GLIPR2: variants seen among roughly 807,000 people sequenced by gnomAD.
GLIPR2 encodes the protein Golgi-associated plant pathogenesis-related protein 1.
GLIPR2 carries 21 observed loss-of-function variants against 20.4 expected under a neutral mutation model. That is an observed-to-expected ratio of 1.03 (90% CI 0.73 to 1.48). The LOEUF (loss-of-function observed/expected upper bound fraction) is 1.48. Among genes scored for constraint, GLIPR2 ranks in the 40% most tolerant of loss-of-function variants. GLIPR2 has a pLI of 0.00. For missense variants in GLIPR2, 205 were observed against 200.1 expected, an observed-to-expected ratio of 1.02 and a Z score of -0.15; for synonymous variants, 91 against 80.5, an observed-to-expected ratio of 1.13 and a Z score of -0.70.
chr9:36,162,518 A>T lies in GLIPR2; in HGVS notation c.461A>T (p.Lys154Met). 6.2e-7 allele frequency: 1 copy of T among 1,614,200 alleles called. No homozygotes were observed. The highest frequency in any genetic ancestry group is 1.1e-5 in the South Asian group (1 of 91,084). ...FFEENVLPPK[K>M] ...GAAGAAAACGTCCTGCCGCCGAAGA[A>T]GTAACTTGTTAAATGTAATGGGAAG... The change falls in exon 5 of 5, where the codon AAG (lysine) becomes ATG (methionine). Residue 154 changes from lysine (K) to methionine (M), a missense_variant. Lys to Met is a moderately conservative substitution (Grantham distance 95). Coordinates refer to ENST00000377960, the MANE Select transcript of GLIPR2 (RefSeq NM_022343.4).
chr9:36,153,628 C>T (rs1825699297), intron 4 of GLIPR2, among the ~76,000 whole-genome samples: 1 of 152,056 alleles, frequency 6.6e-6, no homozygotes. Context: ...TGGCCAGGTG[C>T]GGTGGCTCAC....
rs146781926 is a variant in GLIPR2, at chr9:36,138,674, C to T, written c.13+1883C>T. Among the ~76,000 whole-genome samples, 225 of 152,246 alleles carry T rather than the reference C, an allele frequency of 1.5e-3. 1 individual carries two copies. Among genetic ancestry groups the T allele is most frequent in the African/African-American group, 5.2e-3 (218 of 41,532 alleles). On this transcript the variant is annotated intron_variant, in intron 1 of 4. Transcript: ENST00000377960. ...TCTGTATCAAGCTGTGGACCCAGTG[C>T]CGGGGCGTGCATCCACTTGGATTGT...
chr9:36,144,053 T>C (rs531999243), intron 1 of GLIPR2, among the ~76,000 whole-genome samples: 1 of 152,220 alleles, frequency 6.6e-6, no homozygotes, highest in East Asian at 1.9e-4. Flanking sequence ...CCACTGCCTC[T>C]TGCACAAAAC....
chr9:36,148,547 G>A lies in GLIPR2; in HGVS notation c.123G>A (p.Gln41=), dbSNP rs1418710339. The A allele has an allele frequency of 1.2e-6, 2 of 1,612,414 alleles. No homozygotes were observed. Among genetic ancestry groups the A allele is most frequent in the Admixed American group, 1.7e-5 (1 of 60,018 alleles). The part of the protein sequence containing the change: ...LCKNLNREAQ[Q]YSEALASTRI... ...TGAGGAGGCGCTGTGAACTCTGCAGGTATTCTGAGGCCCTGGCCAGCACGA... is the reference window on the plus strand; with the variant it reads ...TGAGGAGGCGCTGTGAACTCTGCAGATATTCTGAGGCCCTGGCCAGCACGA... Residue 41 remains glutamine, a splice_region_variant and synonymous_variant, in exon 3 of 5, where the codon CAG becomes CAA. Transcript: ENST00000377960.
intron 4 of GLIPR2, among the ~76,000 whole-genome samples, chr9:36,159,993 T>C (rs1825989497): frequency 6.6e-6 from 1 of 152,110 alleles, no homozygotes; most frequent in South Asian, 2.1e-4. Flanking sequence ...AAAGGGTGTT[T>C]GCAAACGACT....
chr9:36,156,777 C>T (rs1825853531), intron 4 of GLIPR2, among the ~76,000 whole-genome samples: 1 of 152,176 alleles, frequency 6.6e-6, no homozygotes, highest in Non-Finnish European at 1.5e-5. Flanking sequence ...AGGTTGCATG[C>T]TCCTTATGAA....
chr9:36,161,385 T>G (rs891672618), intron 4 of GLIPR2, among the ~76,000 whole-genome samples: 5 of 151,808 alleles, frequency 3.3e-5, no homozygotes, highest in Non-Finnish European at 7.4e-5. Flanking sequence ...TGCCTGTGAG[T>G]CATCCATGTG....
At chr9:36,153,105 A>G (rs1825671958) in intron 4 of GLIPR2, among the ~76,000 whole-genome samples, 1 of 148,098 alleles carries the variant, frequency 6.8e-6, no homozygotes, top group Non-Finnish European at 1.5e-5. Context: ...CTGGGCAACA[A>G]GGGCGAGACT....
At chr9:36,154,609 AG>A (rs1202646576) in intron 4 of GLIPR2, among the ~76,000 whole-genome samples, 1 of 152,210 alleles carries the variant, frequency 6.6e-6, no homozygotes, top group Non-Finnish European at 1.5e-5. Context: ...TCATCCCTTT[AG>A]GAAAAAGAAA....
At chr9:36,147,237 TG>T (rs1429593350) in intron 1 of GLIPR2, among the ~76,000 whole-genome samples, 1 of 152,218 alleles carries the variant, frequency 6.6e-6, no homozygotes, top group African/African-American at 2.4e-5. Context: ...TCTGTCTCCT[TG>T]GCTTCACCCA....
intron 4 of GLIPR2, among the ~76,000 whole-genome samples, chr9:36,154,832 C>A (rs1243686970): frequency 6.6e-6 from 1 of 152,162 alleles, no homozygotes; most frequent in East Asian, 1.9e-4. Flanking sequence ...CACTTTGTGT[C>A]TAATTATTTT....
intron 2 of GLIPR2, among the ~76,000 whole-genome samples, chr9:36,148,327 C>T (rs375976372): frequency 2.2e-4 from 34 of 152,080 alleles, no homozygotes; most frequent in African/African-American, 8.0e-4. Context: ...ACTTGAATAA[C>T]CACTCTCTCA....
intron 4 of GLIPR2, among the ~76,000 whole-genome samples, chr9:36,156,389 A>ATT (rs1825832462): frequency 2.5e-5 from 2 of 80,262 alleles, no homozygotes; most frequent in African/African-American, 1.2e-4. Flanking sequence ...CATGTCTAAA[A>ATT]AAAAAAAAAA....
rs1411595453 is a variant in GLIPR2 at position 36,162,708 on chromosome 9, T to C, written c.*186T>C. On this transcript the variant is annotated 3_prime_UTR_variant, in exon 5 of 5. Transcript: ENST00000377960. ...TGTGCGCTCATTCTTATTACAGGAG[T>C]GAGCAAAGGAAGCATTTACCCCGAT... The C allele has an allele frequency of 7.8e-6, 5 of 643,032 alleles. No homozygotes were observed. The highest frequency in any genetic ancestry group is 1.3e-5 in the Non-Finnish European group (5 of 370,836). 39.8% of individuals were successfully genotyped at this position (643,032 alleles called of 1,614,324 possible).
chr9:36,140,227 T>C (rs555428343), intron 1 of GLIPR2, among the ~76,000 whole-genome samples: 1 of 152,194 alleles, frequency 6.6e-6, no homozygotes, highest in South Asian at 2.1e-4. Flanking sequence ...TCATCAGCTC[T>C]AAGAATATTA....
intron 1 of GLIPR2, among the ~76,000 whole-genome samples, chr9:36,146,534 A>C (rs1019124292): frequency 2.0e-5 from 3 of 152,204 alleles, no homozygotes; most frequent in Admixed American, 6.5e-5. Flanking sequence ...TCAAGGCACA[A>C]TTCCCCCAGA....
Position 36,148,601 on chromosome 9 carries a change from C to G in GLIPR2, c.177C>G (p.Ser59Arg). 6.2e-7 allele frequency: 1 copy of G among 1,614,098 alleles called. No individual in the cohort carries two copies. Among genetic ancestry groups the G allele is most frequent in the Non-Finnish European group, 8.5e-7 (1 of 1,179,950 alleles). ...TCCTCAAGCACAGCCCGGAGTCCAG[C>G]CGTGGCCAGTGTGGGGAGAACCTTG... ...TRILKHSPES[S>R]RGQCGENLAW... Residue 59 changes from serine to arginine, a missense_variant, in exon 3 of 5, where the codon AGC becomes AGG. Transcript: ENST00000377960.
rs144352047 is a variant in GLIPR2, at chr9:36,144,094, C to T, written c.14-3692C>T. Among the ~76,000 whole-genome samples the T allele has an allele frequency of 7.9e-5, 12 of 152,256 alleles. No individual in the cohort carries two copies. The East Asian group carries it at 2.3e-3, about 29-fold the overall frequency. ...CCAGGCTGGGGAAGCAGCCCGTGGC[C>T]CAAGAACCCATGGGTTCCTGGAGGC... On this transcript the variant is annotated intron_variant, in intron 1 of 4. Coordinates refer to ENST00000377960, the MANE Select transcript of GLIPR2 (RefSeq NM_022343.4).
chr9:36,147,963 T>G, intron 2 of GLIPR2, 69 bp downstream of exon 2: 1 of 808,552 alleles, frequency 1.2e-6, no homozygotes, highest in Non-Finnish European at 2.2e-6. Flanking sequence ...AAAGGGGCCC[T>G]GTGGCCAGGC....
Sources: allele counts gnomAD v4.1 joint callset (sites outside exome capture counted in the v4.1 genomes callset), GRCh38; gene constraint gnomAD v4.1.1; transcripts MANE v1.5; gene names NCBI Gene and HGNC (gene_info 2026-07-23, HGNC 2026-07-21).